The following LRMDA variants were observed in gnomAD, a reference collection of about 807,000 sequenced individuals.
LRMDA encodes the protein leucine-rich melanocyte differentiation-associated protein.
Under a neutral mutation model 29.8 loss-of-function variants are expected in LRMDA, and 18 were observed. The observed-to-expected ratio is 0.60, with a 90% CI of 0.42 to 0.90. The LOEUF (loss-of-function observed/expected upper bound fraction) is 0.90. LRMDA is among the 40% of genes least tolerant of loss of function. The pLI is 0.00. For synonymous variants in LRMDA, 125 were observed against 109.4 expected, an observed-to-expected ratio of 1.14 and a Z score of -0.89; for missense variants, 273 against 273.9, an observed-to-expected ratio of 1.00 and a Z score of 0.02.
chr10:76,062,100 A>G (rs1848710263), intron 5 of LRMDA, among the ~76,000 whole-genome samples: 1 of 152,152 alleles, frequency 6.6e-6, no homozygotes, highest in Admixed American at 6.5e-5. Context: ...CTAAGTGGCA[A>G]GCAATTTCCT....
rs1841249582 is a variant in LRMDA at position 76,357,040 on chromosome 10, A to G, written c.601+32555A>G. Among the ~76,000 whole-genome samples, 2 of 152,212 alleles carry G rather than the reference A, an allele frequency of 1.3e-5. 1 individual carries two copies. The highest frequency in any genetic ancestry group is 2.9e-5 in the Non-Finnish European group (2 of 68,034). On this transcript the variant is annotated intron_variant, in intron 6 of 6. Transcript: ENST00000611255. Reference sequence around the variant, plus strand: ...TACAACAAGATGTGAGTGCAAACCAAAAAATTGGCAAGTGCAAAACAAAAA... The same window carrying G: ...TACAACAAGATGTGAGTGCAAACCAGAAAATTGGCAAGTGCAAAACAAAAA...
intron 1 of LRMDA, among the ~76,000 whole-genome samples, chr10:75,436,940 G>T (rs1418522252): frequency 2.0e-5 from 3 of 152,206 alleles, no homozygotes; most frequent in African/African-American, 7.2e-5. Context: ...GTAGAAAGAG[G>T]AGAGATTGCT....
chr10:75,473,820 A>G (rs1023182066), intron 2 of LRMDA, among the ~76,000 whole-genome samples: 3 of 152,148 alleles, frequency 2.0e-5, no homozygotes, highest in African/African-American at 7.2e-5. Flanking sequence ...TCATCATCTC[A>G]CCAGGGACCA....
At chr10:76,407,160 C>T (rs1188732738) in intron 6 of LRMDA, among the ~76,000 whole-genome samples, 1 of 152,134 alleles carries the variant, frequency 6.6e-6, no homozygotes, top group Non-Finnish European at 1.5e-5. Context: ...AGGGAGTGTG[C>T]ACATCAGCCT....
intron 2 of LRMDA, among the ~76,000 whole-genome samples, chr10:75,672,605 T>A (rs527695313): frequency 6.1e-5 from 6 of 98,434 alleles, no homozygotes; most frequent in Non-Finnish European, 1.1e-4. Context: ...TTTTTTTTTT[T>A]AGACAGCGTC....
intron 2 of LRMDA, among the ~76,000 whole-genome samples, chr10:75,931,688 C>T (rs973507283): frequency 1.3e-5 from 2 of 152,186 alleles, no homozygotes; most frequent in Non-Finnish European, 2.9e-5. Flanking sequence ...ATCAGTGAGA[C>T]TCTTTAGCAG....
intron 2 of LRMDA, among the ~76,000 whole-genome samples, chr10:75,681,238 G>C (rs1842019047): frequency 6.6e-6 from 1 of 152,178 alleles, no homozygotes; most frequent in African/African-American, 2.4e-5. Context: ...CAGAATGATT[G>C]ATTTGGCTAT....
At chr10:76,276,053 C>CTATCTA (rs150054728) in intron 5 of LRMDA, among the ~76,000 whole-genome samples, 2,316 of 140,016 alleles carry the variant, frequency 0.017, 43 homozygotes, top group African/African-American at 0.057. Flanking sequence ...ATCTATCTAT[C>CTATCTA]TCTTTCTTTC....
intron 6 of LRMDA, among the ~76,000 whole-genome samples, chr10:76,450,666 A>G (rs977401518): frequency 8.5e-5 from 13 of 152,144 alleles, no homozygotes; most frequent in African/African-American, 2.9e-4. Flanking sequence ...TTTCTTCCAC[A>G]TTATTATTTT....
chr10:76,363,176 A>AGAAAGAAAGAGGGAGGGAGGGAG (rs1459442138), intron 6 of LRMDA, among the ~76,000 whole-genome samples: 1 of 21,794 alleles, frequency 4.6e-5, no homozygotes, highest in African/African-American at 1.4e-4. Flanking sequence ...AAAGAAAGAA[A>AGAAAGAAAGAGGGAGGGAGGGAG]GGAGGGAGGG....
intron 5 of LRMDA, among the ~76,000 whole-genome samples, chr10:76,299,302 TGACTTG>T (rs931832296): frequency 6.6e-6 from 1 of 152,184 alleles, no homozygotes; most frequent in Non-Finnish European, 1.5e-5. Context: ...CCTTTAAAAA[TGACTTG>T]GACTTCCAGA....
intron 2 of LRMDA, among the ~76,000 whole-genome samples, chr10:75,901,779 C>T (rs888504821): frequency 5.9e-5 from 9 of 152,188 alleles, no homozygotes; most frequent in East Asian, 1.9e-4. Context: ...CTGATTGCCG[C>T]GAATTAATTA....
intron 5 of LRMDA, among the ~76,000 whole-genome samples, chr10:76,267,616 A>C (rs1474654275): frequency 2.0e-5 from 3 of 152,198 alleles, no homozygotes; most frequent in African/African-American, 7.2e-5. Flanking sequence ...CTTGAAAACA[A>C]GATTTATCTA....
At chr10:76,457,831 T>G (rs899993409) in intron 6 of LRMDA, among the ~76,000 whole-genome samples, 6 of 152,152 alleles carry the variant, frequency 3.9e-5, no homozygotes, top group African/African-American at 1.4e-4. Flanking sequence ...TCGTTCAGTA[T>G]TTGCTAATTC....
intron 6 of LRMDA, among the ~76,000 whole-genome samples, chr10:76,328,101 G>A (rs1346862354): frequency 6.6e-6 from 1 of 152,194 alleles, no homozygotes; most frequent in Non-Finnish European, 1.5e-5. Flanking sequence ...GCTGCCCTGG[G>A]TTGGAGCATA....
chr10:76,271,727 G>A (rs954653167), intron 5 of LRMDA, among the ~76,000 whole-genome samples: 1 of 152,094 alleles, frequency 6.6e-6, no homozygotes, highest in South Asian at 2.1e-4. Flanking sequence ...GATCTAAATG[G>A]CATTATAAGA....
intron 2 of LRMDA, among the ~76,000 whole-genome samples, chr10:76,032,146 C>T (rs773957479): frequency 3.3e-5 from 5 of 152,186 alleles, no homozygotes; most frequent in African/African-American, 7.2e-5. Flanking sequence ...TACCTGGGCC[C>T]GGGCCCTGGC....
chr10:76,551,626 T>C (rs1308586985), intron 6 of LRMDA, among the ~76,000 whole-genome samples: 1 of 152,214 alleles, frequency 6.6e-6, no homozygotes, highest in Non-Finnish European at 1.5e-5. Context: ...TACAATAATT[T>C]CAACTTACAA....
At chr10:76,224,528 T>C (rs1180346770) in intron 5 of LRMDA, among the ~76,000 whole-genome samples, 1 of 151,710 alleles carries the variant, frequency 6.6e-6, no homozygotes, top group African/African-American at 2.4e-5. Flanking sequence ...GCCAAGGTCA[T>C]GCCACTACAC....
Sources: gnomAD v4.1 joint callset for allele counts (sites outside exome capture counted in the v4.1 genomes callset) on GRCh38, gnomAD v4.1.1 for gene constraint, MANE v1.5 for transcripts, NCBI Gene and HGNC (gene_info 2026-07-23, HGNC 2026-07-21) for gene names.